The following PSMD12 variants were observed in gnomAD, a reference collection of about 807,000 sequenced individuals.
PSMD12 encodes 26S proteasome non-ATPase regulatory subunit 12.
Under a neutral mutation model 62.9 loss-of-function variants are expected in PSMD12, and 8 were observed. The observed-to-expected ratio is 0.13, with a 90% CI of 0.07 to 0.23. PSMD12 has a LOEUF of 0.23. Ranked by LOEUF, PSMD12 falls within the 10% of genes least tolerant of loss-of-function variation. The pLI, the probability that PSMD12 is intolerant of heterozygous loss-of-function variation, is 1.00. For missense variants in PSMD12, 424 were observed against 550.2 expected, an observed-to-expected ratio of 0.77 and a Z score of 2.29; for synonymous variants, 173 against 187.4, an observed-to-expected ratio of 0.92 and a Z score of 0.63.
intron 7 of PSMD12, 113 bp from the exon 8 acceptor site, chr17:67,345,970 C>G: frequency 1.0e-6 from 1 of 1,002,798 alleles, no homozygotes; most frequent in Non-Finnish European, 1.5e-6. Flanking sequence ...AAAGTCTTGG[C>G]CGGGCGCAGT....
chr17:67,351,432 T>TAATAATA (rs1418493805), intron 3 of PSMD12, among the ~76,000 whole-genome samples: 3 of 96,982 alleles, frequency 3.1e-5, no homozygotes, highest in South Asian at 3.2e-4. Flanking sequence ...TAATAATAAT[T>TAATAATA]AGGACCATGA....
At chr17:67,346,364 C>T (rs141859064) in intron 7 of PSMD12, among the ~76,000 whole-genome samples, 119 of 150,132 alleles carry the variant, frequency 7.9e-4, no homozygotes, top group African/African-American at 2.8e-3. Flanking sequence ...CACTGCACTC[C>T]AGCCTGGGCA....
chr17:67,350,872 A>T (rs767750174), intron 3 of PSMD12, among the ~76,000 whole-genome samples: 19 of 152,178 alleles, frequency 1.2e-4, no homozygotes, highest in Non-Finnish European at 2.8e-4. Flanking sequence ...CAAATCAGCA[A>T]ACATTTTCTG....
rs776300283 is a variant in PSMD12, at chr17:67,348,538, G to A, written c.510+12C>T. 3.1e-5 allele frequency: 50 copies of A among 1,600,462 alleles called. No individual in the cohort carries two copies. Among genetic ancestry groups the A allele is most frequent in the Non-Finnish European group, 4.1e-5 (48 of 1,168,974 alleles). ...AACAAAGTTTTACCAACTCTAAAATGCAATACCTTACCTGTAACTCCTGTA... is the reference window on the plus strand; with the variant it reads ...AACAAAGTTTTACCAACTCTAAAATACAATACCTTACCTGTAACTCCTGTA... On this transcript the variant is annotated intron_variant, in intron 5 of 10. Coordinates refer to ENST00000356126, the MANE Select transcript of PSMD12 (RefSeq NM_002816.5).
rs138939148 is a variant in PSMD12 at position 67,352,058 on chromosome 17, C to T, written c.298-1722G>A. ...ATCGCACCACTGCACTCCAGCCTGGCGACAAGAGCGAGAATCTCTCTCAAA... is the reference window on the plus strand; with the variant it reads ...ATCGCACCACTGCACTCCAGCCTGGTGACAAGAGCGAGAATCTCTCTCAAA... On this transcript the variant is annotated intron_variant, in intron 3 of 10. Transcript: ENST00000356126. Among the ~76,000 whole-genome samples, 650 of 146,552 alleles carry T rather than the reference C, an allele frequency of 4.4e-3. 4 individuals carry two copies. Among genetic ancestry groups the T allele is most frequent in the South Asian group, 0.018 (84 of 4,630 alleles).
chr17:67,363,786 A>T (rs994565369), intron 1 of PSMD12, among the ~76,000 whole-genome samples: 1 of 152,236 alleles, frequency 6.6e-6, no homozygotes, highest in Non-Finnish European at 1.5e-5. Flanking sequence ...ACGGTGGCTC[A>T]TGCCTGTAAT....
At position 67,365,637 on chromosome 17, in the gene PSMD12, C is replaced by T. The variant is rs1340204994; in HGVS notation, c.108+775G>A. On this transcript the variant is annotated intron_variant, in intron 1 of 10. Transcript: ENST00000356126. ...CTGAACCTAAGATATACATACGTAC[C>T]AACTTTATCACCTTTCTCCATCCTT... Among the ~76,000 whole-genome samples the T allele has an allele frequency of 2.0e-5, 3 of 152,142 alleles. No individual in the cohort carries two copies. The East Asian group carries it at 5.8e-4, about 29-fold the overall frequency.
intron 5 of PSMD12, 129 bp from the exon 6 acceptor site, chr17:67,347,614 T>G (rs1171692152): frequency 1.6e-5 from 14 of 849,918 alleles, no homozygotes; most frequent in Admixed American, 1.4e-4. Flanking sequence ...AGGGAGAGTG[T>G]TGACAATTAC....
intron 1 of PSMD12, among the ~76,000 whole-genome samples, chr17:67,366,151 C>G (rs1476605153): frequency 6.6e-6 from 1 of 152,206 alleles, no homozygotes; most frequent in Non-Finnish European, 1.5e-5. Context: ...CAAGAAACGG[C>G]AAAAAGTTAA....
chr17:67,348,500 ATGC>A (rs2041988809), intron 5 of PSMD12, 47 bp downstream of exon 5: 2 of 1,434,776 alleles, frequency 1.4e-6, no homozygotes, highest in Non-Finnish European at 2.0e-6. Flanking sequence ...CCATTAGAAA[ATGC>A]TGCTGACAAA....
intron 3 of PSMD12, among the ~76,000 whole-genome samples, chr17:67,356,464 A>G (rs1218125102): frequency 7.1e-6 from 1 of 141,108 alleles, no homozygotes. Context: ...AGGCTGAGGC[A>G]GGAGAATGGC....
At chr17:67,356,877 G>A (rs555918226) in intron 3 of PSMD12, among the ~76,000 whole-genome samples, 103 of 151,856 alleles carry the variant, frequency 6.8e-4, no homozygotes, top group African/African-American at 2.3e-3. Flanking sequence ...CAGGTGTGGC[G>A]GCATGCGCTT....
At position 67,337,928 on chromosome 17, in the gene PSMD12, G is replaced by T. The variant is rs1432885226; in HGVS notation, c.*2915C>A. The T allele has an allele frequency of 6.6e-6, 1 of 152,184 alleles. No homozygotes were observed. The highest frequency in any genetic ancestry group is 1.5e-5 in the Non-Finnish European group (1 of 68,032). The allele number at this position is 152,184 out of a possible 1,614,324, so 9.4% of individuals were successfully genotyped here. ...CTGAAAAGAGAAGTGATCTTTTAAA[G>T]TATGAGTTTATTCTCCAGGTTTTCT... On this transcript the variant is annotated 3_prime_UTR_variant, in exon 11 of 11. Transcript: ENST00000356126.
At position 67,357,565 on chromosome 17, in the gene PSMD12, T is replaced by C. The variant is rs1567959514; in HGVS notation, c.122A>G (p.Gln41Arg). 6.2e-7 allele frequency: 1 copy of C among 1,613,108 alleles called. No homozygotes were observed. Among genetic ancestry groups the C allele is most frequent in the Non-Finnish European group, 8.5e-7 (1 of 1,179,180 alleles). The change falls in exon 2 of 11, where the codon CAA becomes CGA. Residue 41 changes from glutamine (Q) to arginine (R), a missense_variant. Physicochemically the swap from Gln to Arg is conservative, Grantham distance 43 (BLOSUM62 1). Coordinates refer to ENST00000356126, the MANE Select transcript of PSMD12 (RefSeq NM_002816.5). ...CAKLAKEGRL[Q>R]EVIETLLSLE... is the part of the protein sequence containing the mutation. ...AGAGAGAAGGGTTTCAATGACTTCT[T>C]GAAGTCTTCCTTCCTAAAACAAAAG... is the stretch of plus-strand genomic sequence containing the variant.
In PSMD12 at chr17:67,340,367, T is replaced by TTGTATGCTC. The variant is rs1312304948; in HGVS notation, c.*467_*475dup. Reference sequence around the variant, plus strand: ...AATCACAACTCTATCCCAAATGTTCTTGTATGCTCTATGTTGCTTTTCTAT... The same window carrying TTGTATGCTC: ...AATCACAACTCTATCCCAAATGTTCTTGTATGCTCTGTATGCTCTATGTTGCTTTTCTAT... On this transcript the variant is annotated 3_prime_UTR_variant, in exon 11 of 11. Transcript: ENST00000356126. 1.2e-4 allele frequency: 18 copies of TTGTATGCTC among 152,932 alleles called. No individual in the cohort carries two copies. The highest frequency in any genetic ancestry group is 4.3e-4 in the African/African-American group (18 of 41,582). 9.5% of individuals were successfully genotyped at this position (152,932 alleles called of 1,614,324 possible). A position where few individuals can be genotyped will look rare whatever the true frequency, so the allele number is the denominator to read the frequency against.
chr17:67,344,698 C>T lies in PSMD12; in HGVS notation c.991G>A (p.Gly331Ser). 1 of 1,613,818 alleles carries T rather than the reference C, an allele frequency of 6.2e-7. No homozygotes were observed. The highest frequency in any genetic ancestry group is 8.5e-7 in the Non-Finnish European group (1 of 1,179,838). The change falls in exon 9 of 11, where the codon GGT becomes AGT. Residue 331 changes from glycine (G) to serine (S), a missense_variant. Physicochemically the swap from Gly to Ser is moderately conservative, Grantham distance 56. Coordinates refer to ENST00000356126, the MANE Select transcript of PSMD12 (RefSeq NM_002816.5). ...TCCGTTGCAGGACTCTCAAGGGAACCTTTTCTTAATTCCATTCCATAGTCC... is the reference window on the plus strand; with the variant it reads ...TCCGTTGCAGGACTCTCAAGGGAACTTTTTCTTAATTCCATTCCATAGTCC... Reference protein sequence around the residue: ...VEDYGMELRKGSLESPATDVF... With the variant: ...VEDYGMELRKSSLESPATDVF...
chr17:67,346,251 C>T (rs758493469), intron 7 of PSMD12, among the ~76,000 whole-genome samples: 3 of 151,898 alleles, frequency 2.0e-5, no homozygotes, highest in African/African-American at 4.8e-5. Flanking sequence ...AAAAATTGGC[C>T]GGGCGTGGGG....
intron 3 of PSMD12, among the ~76,000 whole-genome samples, chr17:67,351,980 C>G (rs1309678716): frequency 6.6e-6 from 1 of 151,512 alleles, no homozygotes; most frequent in Non-Finnish European, 1.5e-5. Context: ...GCCTGTAGTC[C>G]CAGCTACTCA....
At chr17:67,343,502 C>G (rs560715004) in intron 9 of PSMD12, among the ~76,000 whole-genome samples, 1 of 152,088 alleles carries the variant, frequency 6.6e-6, no homozygotes, top group Non-Finnish European at 1.5e-5. Context: ...CCTGTCTGCC[C>G]GATAACCTCA....
Sources: allele counts gnomAD v4.1 joint callset (sites outside exome capture counted in the v4.1 genomes callset), GRCh38; gene constraint gnomAD v4.1.1; transcripts MANE v1.5; gene names NCBI Gene and HGNC (gene_info 2026-07-23, HGNC 2026-07-21).